Variants in CD1B observed in about 807,000 individuals in gnomAD.
The protein encoded by CD1B is CD1b molecule, also known as T-cell surface glycoprotein CD1b.
Under a neutral mutation model 39.8 loss-of-function variants are expected in CD1B, and 43 were observed. The ratio of observed to expected loss-of-function variants is 1.08; its 90% CI spans 0.85 to 1.39. The LOEUF is 1.39. CD1B is among the 40% of genes most tolerant of loss of function. The pLI is 0.00. For missense variants in CD1B, 495 were observed against 403.8 expected, an observed-to-expected ratio of 1.23 and a Z score of -1.94; for synonymous variants, 192 against 152.5, an observed-to-expected ratio of 1.26 and a Z score of -1.91.
chr1:158,296,683 C>G, the CD1B span, among the ~76,000 whole-genome samples: 2 of 151,982 alleles, frequency 1.3e-5, no homozygotes, highest in African/African-American at 4.8e-5. Context: ...GAAATGGAAT[C>G]CAAAGAATTT....
chr1:158,317,077 T>A, the CD1B span, among the ~76,000 whole-genome samples: 4 of 152,004 alleles, frequency 2.6e-5, no homozygotes, highest in Non-Finnish European at 5.9e-5. Flanking sequence ...TTATTGAGGA[T>A]TTTTGCATCA....
chr1:158,292,266 GA>G, the CD1B span: 1 of 1,614,198 alleles, frequency 6.2e-7, no homozygotes, highest in Non-Finnish European at 8.5e-7. Flanking sequence ...TCATCAGTAT[GA>G]AGGCGTCACA....
the CD1B span, among the ~76,000 whole-genome samples, chr1:158,294,242 C>G: frequency 6.6e-6 from 1 of 152,154 alleles, no homozygotes; most frequent in Non-Finnish European, 1.5e-5. Flanking sequence ...TCAAGGCAAC[C>G]GTTGTGCTGT....
chr1:158,290,000 T>A, the CD1B span: 5 of 1,455,916 alleles, frequency 3.4e-6, no homozygotes, highest in African/African-American at 1.4e-5. Flanking sequence ...TACAGAGGGA[T>A]AAGTTTGCTA....
the CD1B span, among the ~76,000 whole-genome samples, chr1:158,320,428 C>T: frequency 6.6e-6 from 1 of 152,168 alleles, no homozygotes; most frequent in Non-Finnish European, 1.5e-5. Flanking sequence ...TTTCCAGGTG[C>T]CGTCCGTCAC....
chr1:158,324,386 A>C (rs2101705834), downstream of CD1B, among the ~76,000 whole-genome samples: 1 of 152,186 alleles, frequency 6.6e-6, no homozygotes, highest in East Asian at 1.9e-4. Context: ...GGATGAGTAG[A>C]TAATTCTTGG....
At chr1:158,327,204 T>A (rs926842065), downstream of CD1B, among the ~76,000 whole-genome samples, 1 of 152,164 alleles carries the variant, frequency 6.6e-6, no homozygotes, top group Non-Finnish European at 1.5e-5. Flanking sequence ...AACCTCTTGC[T>A]AGCTACAGAG....
chr1:158,317,789 T>A, the CD1B span, among the ~76,000 whole-genome samples: 9 of 152,350 alleles, frequency 5.9e-5, no homozygotes, highest in South Asian at 2.1e-4. Flanking sequence ...TGCTTTCTCT[T>A]GTGGGCATTT....
At chr1:158,324,249 T>C (rs1213593772), downstream of CD1B, among the ~76,000 whole-genome samples, 1 of 152,162 alleles carries the variant, frequency 6.6e-6, no homozygotes, top group East Asian at 1.9e-4. Flanking sequence ...TGCAGTATCA[T>C]TGGTGGGTCT....
At chr1:158,292,018 A>C in the CD1B span, 13 of 1,484,084 alleles carry the variant, frequency 8.8e-6, no homozygotes, top group Admixed American at 4.2e-5. Context: ...ATACAGCCCT[A>C]GGTTTTTATA....
chr1:158,328,532 C>T (rs1166475156), intron 5 of CD1B, among the ~76,000 whole-genome samples: 1 of 152,118 alleles, frequency 6.6e-6, no homozygotes, highest in African/African-American at 2.4e-5. Flanking sequence ...TATAAGGTAC[C>T]TAGAATAGTA....
chr1:158,314,833 A>T, the CD1B span, among the ~76,000 whole-genome samples: 2 of 121,080 alleles, frequency 1.7e-5, no homozygotes, highest in African/African-American at 3.1e-5. Flanking sequence ...CAGTCCCCAG[A>T]GTGTGATGTT....
At chr1:158,288,773 T>TAAA in the CD1B span, among the ~76,000 whole-genome samples, 1 of 152,264 alleles carries the variant, frequency 6.6e-6, no homozygotes, top group African/African-American at 2.4e-5. Context: ...ACTATAATAA[T>TAAA]AAATGTATTT....
intron 3 of CD1B, 96 bp from the exon 4 acceptor site, chr1:158,329,744 A>G: frequency 6.4e-7 from 1 of 1,558,714 alleles, no homozygotes; most frequent in Non-Finnish European, 8.7e-7. Flanking sequence ...GACCCCATTC[A>G]CTCCTTTGGG....
At chr1:158,285,545 A>G in the CD1B span, among the ~76,000 whole-genome samples, 1 of 152,230 alleles carries the variant, frequency 6.6e-6, no homozygotes, top group African/African-American at 2.4e-5. Context: ...ATATGAGATC[A>G]TAGAAAAGTT....
the CD1B span, among the ~76,000 whole-genome samples, chr1:158,303,174 A>T: frequency 1.1e-4 from 16 of 152,340 alleles, no homozygotes; most frequent in Non-Finnish European, 1.8e-4. Flanking sequence ...AACTAAAAAC[A>T]AAAAACACAT....
the CD1B span, among the ~76,000 whole-genome samples, chr1:158,316,253 G>C: frequency 6.6e-5 from 10 of 151,918 alleles, no homozygotes; most frequent in African/African-American, 2.4e-4. Context: ...TGGGCAGTAT[G>C]GCCATTTTCA....
chr1:158,328,184 T>G lies in CD1B; in HGVS notation c.*52A>C, dbSNP rs914091665. The G allele has an allele frequency of 1.9e-5, 28 of 1,446,392 alleles. No individual in the cohort carries two copies. Among genetic ancestry groups the G allele is most frequent in the Non-Finnish European group, 2.6e-5 (27 of 1,034,360 alleles). The allele number at this position is 1,446,392 out of a possible 1,614,324, so 89.6% of individuals were successfully genotyped here. A position where few individuals can be genotyped will look rare whatever the true frequency, so the allele number is the denominator to read the frequency against. ...GATAAGATTGACTTTTGGGCTGATA[T>G]CTTGGGCTTCTTGGTACTTATTGCG... On this transcript the variant is annotated 3_prime_UTR_variant, in exon 6 of 6. Coordinates refer to ENST00000368168, the MANE Select transcript of CD1B (RefSeq NM_001764.3).
chr1:158,328,859 A>T (rs1312747518), intron 5 of CD1B, 62 bp downstream of exon 5: 17 of 1,147,516 alleles, frequency 1.5e-5, no homozygotes, highest in Non-Finnish European at 2.0e-5. Context: ...ATGGTAAAAA[A>T]CAGTGGAAGG....
Sources: allele counts gnomAD v4.1 joint callset (sites outside exome capture counted in the v4.1 genomes callset), GRCh38; gene constraint gnomAD v4.1.1; transcripts MANE v1.5; gene names NCBI Gene and HGNC (gene_info 2026-07-23, HGNC 2026-07-21).